The following TENM2 variants were observed in gnomAD, a reference collection of about 807,000 sequenced individuals.
TENM2 encodes the protein teneurin-2.
Under a neutral mutation model 245.2 loss-of-function variants are expected in TENM2, and 52 were observed. That is an observed-to-expected ratio of 0.21 (90% CI 0.17 to 0.27). The LOEUF (loss-of-function observed/expected upper bound fraction) is 0.27. TENM2 is among the 10% of genes least tolerant of loss of function. The pLI is 1.00. For synonymous variants in TENM2, 1,363 were observed against 1,438.9 expected (o/e 0.95, Z 1.19); for missense variants, 3,046 against 3,666.8 (o/e 0.83, Z 4.37).
the TENM2 span, among the ~76,000 whole-genome samples, chr5:167,005,887 C>G: frequency 6.6e-6 from 1 of 151,892 alleles, no homozygotes; most frequent in African/African-American, 2.4e-5. Context: ...GTCTCAAACT[C>G]CTGACCTCAT....
chr5:167,564,519 G>A (rs922773123), intron 2 of TENM2, among the ~76,000 whole-genome samples: 4 of 152,172 alleles, frequency 2.6e-5, no homozygotes, highest in African/African-American at 7.2e-5. Flanking sequence ...ACCCTGATTA[G>A]CAGAGTTGGA....
chr5:167,595,007 C>T (rs1776107344), intron 2 of TENM2, among the ~76,000 whole-genome samples: 1 of 152,200 alleles, frequency 6.6e-6, no homozygotes. Flanking sequence ...ACTAAAATTA[C>T]TCATTTGAAA....
intron 1 of TENM2, among the ~76,000 whole-genome samples, chr5:167,312,347 C>T (rs72645741): frequency 4.6e-5 from 7 of 152,084 alleles, no homozygotes; most frequent in African/African-American, 1.7e-4. Context: ...AAATACAATG[C>T]TTTATAGCAA....
intron 2 of TENM2, among the ~76,000 whole-genome samples, chr5:167,770,514 A>G (rs1275046647): frequency 1.3e-5 from 2 of 152,190 alleles, no homozygotes; most frequent in African/African-American, 4.8e-5. Flanking sequence ...TCGTTTTCCA[A>G]TGTTTAAGCA....
rs541188325 is a variant in TENM2 at position 167,365,390 on chromosome 5, A to C, written c.227-9808A>C. Among the ~76,000 whole-genome samples the C allele has an allele frequency of 2.0e-5, 3 of 151,590 alleles. No homozygotes were observed. The South Asian group carries it at 6.2e-4, about 31-fold the overall frequency. ...AGAACCTAGAGAAGGATGAGAAAAAAAAAACTCAAATTAAGTAGAAATAAA... is the reference window on the plus strand; with the variant it reads ...AGAACCTAGAGAAGGATGAGAAAAACAAAACTCAAATTAAGTAGAAATAAA... On this transcript the variant is annotated intron_variant, in intron 1 of 28. Transcript: ENST00000518659.
At chr5:168,095,895 G>A (rs559054709) in intron 8 of TENM2, among the ~76,000 whole-genome samples, 5 of 152,268 alleles carry the variant, frequency 3.3e-5, no homozygotes, top group African/African-American at 1.2e-4. Flanking sequence ...GTCAGCACAT[G>A]TTCTGTTCCC....
chr5:167,084,326 GTTATAT>G, the TENM2 span, among the ~76,000 whole-genome samples: 3 of 6,748 alleles, frequency 4.4e-4, no homozygotes, highest in African/African-American at 9.2e-4. Flanking sequence ...AGCCATTTTA[GTTATAT>G]ATATATATAT....
intron 2 of TENM2, among the ~76,000 whole-genome samples, chr5:167,652,513 A>G (rs1201824689): frequency 6.6e-6 from 1 of 152,146 alleles, no homozygotes; most frequent in African/African-American, 2.4e-5. Context: ...AGGGGAACAC[A>G]TCCCCCTTGA....
chr5:168,149,066 T>C (rs1650188005), intron 12 of TENM2, among the ~76,000 whole-genome samples: 1 of 152,098 alleles, frequency 6.6e-6, no homozygotes. Context: ...AAAGAGACCC[T>C]ATTGCCAAGA....
intron 2 of TENM2, among the ~76,000 whole-genome samples, chr5:167,609,515 A>AAAAAAAAAAG (rs1582533515): frequency 4.8e-4 from 42 of 87,822 alleles, no homozygotes; most frequent in East Asian, 3.1e-3. Context: ...AAAAAAAACA[A>AAAAAAAAAAG]AACCTTACCT....
the TENM2 span, among the ~76,000 whole-genome samples, chr5:167,164,175 A>C: frequency 6.6e-6 from 1 of 152,202 alleles, no homozygotes; most frequent in Admixed American, 6.5e-5. Context: ...AAAAGGCACA[A>C]AGACAAGAAA....
chr5:168,012,809 GT>G (rs1297102796), intron 5 of TENM2, among the ~76,000 whole-genome samples: 1 of 146,926 alleles, frequency 6.8e-6, no homozygotes, highest in African/African-American at 2.5e-5. Flanking sequence ...CCTAACAGTG[GT>G]TTATATTGAG....
the TENM2 span, among the ~76,000 whole-genome samples, chr5:166,991,516 A>G: frequency 6.6e-6 from 1 of 152,098 alleles, no homozygotes; most frequent in Non-Finnish European, 1.5e-5. Context: ...GTGATGTGAG[A>G]GAATACGTAT....
At chr5:167,143,698 T>TGTAAAGCA in the TENM2 span, among the ~76,000 whole-genome samples, 1 of 152,192 alleles carries the variant, frequency 6.6e-6, no homozygotes, top group Non-Finnish European at 1.5e-5. Flanking sequence ...AAATGTCAGA[T>TGTAAAGCA]GATGGGAGCT....
the TENM2 span, among the ~76,000 whole-genome samples, chr5:167,060,606 A>T: frequency 1.3e-5 from 2 of 150,476 alleles, no homozygotes; most frequent in Non-Finnish European, 3.0e-5. Flanking sequence ...AGCCAAGATC[A>T]TTCCACTGCA....
At chr5:167,992,133 G>A (rs896350962) in intron 4 of TENM2, among the ~76,000 whole-genome samples, 1 of 152,012 alleles carries the variant, frequency 6.6e-6, no homozygotes, top group Non-Finnish European at 1.5e-5. Context: ...ACGGTGGAGG[G>A]GGCGAGGAAT....
the TENM2 span, among the ~76,000 whole-genome samples, chr5:167,275,050 G>A: frequency 6.6e-6 from 1 of 151,786 alleles, no homozygotes; most frequent in Admixed American, 6.6e-5. Flanking sequence ...ACTAAATTAA[G>A]GAGTTTTTTG....
intron 5 of TENM2, among the ~76,000 whole-genome samples, chr5:168,018,678 G>C (rs1785876484): frequency 6.6e-6 from 1 of 152,098 alleles, no homozygotes; most frequent in Admixed American, 6.5e-5. Context: ...GACTTTTTAG[G>C]TGAGAGATTC....
the TENM2 span, among the ~76,000 whole-genome samples, chr5:167,256,816 G>A: frequency 6.6e-6 from 1 of 152,104 alleles, no homozygotes; most frequent in Admixed American, 6.6e-5. Context: ...CTAATAAATA[G>A]AGATGTTTTG....
Sources: gnomAD v4.1 joint callset for allele counts (sites outside exome capture counted in the v4.1 genomes callset) on GRCh38, gnomAD v4.1.1 for gene constraint, MANE v1.5 for transcripts, NCBI Gene and HGNC (gene_info 2026-07-23, HGNC 2026-07-21) for gene names.